PLCG2: variants seen among roughly 807,000 people sequenced by gnomAD.
The protein encoded by PLCG2 is phospholipase C gamma 2, also known as 1-phosphatidylinositol 4,5-bisphosphate phosphodiesterase gamma-2.
In PLCG2, 69 loss-of-function variants were observed where a neutral mutation model predicts 175.6. The ratio of observed to expected loss-of-function variants is 0.39; its 90% CI spans 0.32 to 0.48. The LOEUF (loss-of-function observed/expected upper bound fraction) is 0.48, where lower values mean the gene tolerates loss of function less well. Ranked by LOEUF, PLCG2 falls within the 20% of genes least tolerant of loss-of-function variation. PLCG2 has a pLI of 0.91. For synonymous variants in PLCG2, 827 were observed against 624.0 expected, an observed-to-expected ratio of 1.33 and a Z score of -4.85; for missense variants, 1,798 against 1,650.9, an observed-to-expected ratio of 1.09 and a Z score of -1.54.
Position 81,891,561 on chromosome 16 carries a change from T to C in PLCG2, c.957T>C (p.Ser319=), listed in dbSNP as rs527737546. The change falls in exon 11 of 33, where the codon TCT becomes TCC. Residue 319 remains serine, a synonymous_variant. Transcript: ENST00000564138. The part of the protein sequence containing the change: ...VDMQDMNNPL[S]HYWISSSHNT... ...TGCAGGACATGAACAACCCCCTGTC[T>C]CATTACTGGATCTCCTCGTCACATA... The C allele has an allele frequency of 1.9e-5, 30 of 1,603,026 alleles. No individual in the cohort carries two copies. In the South Asian group the frequency reaches 3.2e-4, roughly 17 times the overall value.
Position 81,958,051 on chromosome 16 carries a change from TGTAGGA to T in PLCG2, c.*55_*60del, listed in dbSNP as rs1235202577. 1 of 1,312,836 alleles carries T rather than the reference TGTAGGA, an allele frequency of 7.6e-7. No homozygotes were observed. Among genetic ancestry groups the T allele is most frequent in the African/African-American group, 1.4e-5 (1 of 69,364 alleles). 81.3% of individuals were successfully genotyped at this position (1,312,836 alleles called of 1,614,324 possible). A position where few individuals can be genotyped will look rare whatever the true frequency, so the allele number is the denominator to read the frequency against. ...GTGTGTGTGCGCATGTGTGTTTGCA[TGTAGGA>T]GAACGTGCCCTATTCACACTCTGGG... On this transcript the variant is annotated 3_prime_UTR_variant, in exon 33 of 33. Transcript: ENST00000564138.
intron 17 of PLCG2, 52 bp from the exon 18 acceptor site, chr16:81,910,468 G>C: frequency 1.3e-6 from 2 of 1,540,962 alleles, no homozygotes; most frequent in Non-Finnish European, 1.8e-6. Flanking sequence ...CCTGGCTGCC[G>C]CAATGGCCTG....
Position 81,936,192 on chromosome 16 carries a change from C to A in PLCG2, c.2866C>A (p.Arg956Ser). 6.2e-7 allele frequency: 1 copy of A among 1,614,102 alleles called. No homozygotes were observed. The highest frequency in any genetic ancestry group is 8.5e-7 in the Non-Finnish European group (1 of 1,180,030). ...AGAAAATCCTGACTTCCGAGAAATC[C>A]GCTCCTTTGTGGAGACGAAGGCTGA... is the stretch of plus-strand genomic sequence containing the variant. ...NLENPDFREI[R>S]SFVETKADSI... The change falls in exon 27 of 33, where the codon CGC becomes AGC. Residue 956 changes from arginine to serine, a missense_variant. Arg to Ser is a moderately radical substitution (Grantham distance 110). Transcript: ENST00000564138.
rs975819129 is a variant in PLCG2 at position 81,779,340 on chromosome 16, C to T, written c.-132C>T. 1.3e-5 allele frequency: 2 copies of T among 150,658 alleles called. No individual in the cohort carries two copies. The highest frequency in any genetic ancestry group is 3.0e-5 in the Non-Finnish European group (2 of 67,518). 9.3% of individuals were successfully genotyped at this position (150,658 alleles called of 1,614,324 possible). A position where few individuals can be genotyped will look rare whatever the true frequency, so the allele number is the denominator to read the frequency against. On this transcript the variant is annotated 5_prime_UTR_variant, in exon 1 of 33. Transcript: ENST00000564138. Reference sequence around the variant, plus strand: ...AGGGCGTGAGCGGCGCTGAGTGACCCGAGTCGGGACGCGGGCTGCGCGCGC... The same window carrying T: ...AGGGCGTGAGCGGCGCTGAGTGACCTGAGTCGGGACGCGGGCTGCGCGCGC...
At chr16:81,881,253 T>G (rs567973397) in intron 8 of PLCG2, among the ~76,000 whole-genome samples, 11 of 152,270 alleles carry the variant, frequency 7.2e-5, no homozygotes, top group Admixed American at 2.0e-4. Flanking sequence ...ATAGTTTTTT[T>G]TTTTAATTAC....
chr16:81,795,680 A>G (rs1431424071), intron 2 of PLCG2, among the ~76,000 whole-genome samples: 2 of 150,168 alleles, frequency 1.3e-5, no homozygotes, highest in African/African-American at 2.4e-5. Context: ...AAGTGGATGT[A>G]CCTGTTTCCT....
At chr16:81,914,563 G>A (rs1441471926) in intron 19 of PLCG2, among the ~76,000 whole-genome samples, 1 of 152,158 alleles carries the variant, frequency 6.6e-6, no homozygotes, top group Non-Finnish European at 1.5e-5. Flanking sequence ...GGTGTCTTGA[G>A]AATGGAAGTT....
chr16:81,892,976 C>G (rs1908707899), intron 11 of PLCG2, among the ~76,000 whole-genome samples: 1 of 151,676 alleles, frequency 6.6e-6, no homozygotes, highest in South Asian at 2.1e-4. Flanking sequence ...TCCCGAGTAG[C>G]TGGGACTCCG....
At chr16:81,762,472 G>C (rs1229110660) in intron 2 of PLCG2, among the ~76,000 whole-genome samples, 1 of 152,026 alleles carries the variant, frequency 6.6e-6, no homozygotes, top group Admixed American at 6.6e-5. Flanking sequence ...GGGAGGCTGA[G>C]GCATGAGAAT....
chr16:81,865,875 A>T (rs1362734234), intron 5 of PLCG2, among the ~76,000 whole-genome samples: 1 of 116,464 alleles, frequency 8.6e-6, no homozygotes, highest in African/African-American at 3.4e-5. Context: ...CACCAGCATG[A>T]GAGGACGCTG....
intron 5 of PLCG2, among the ~76,000 whole-genome samples, chr16:81,862,590 C>G (rs1907036443): frequency 6.6e-6 from 1 of 152,090 alleles, no homozygotes; most frequent in South Asian, 2.1e-4. Context: ...GTGCTACTGG[C>G]CGAGCATGGT....
Position 81,919,643 on chromosome 16 carries a change from G to A in PLCG2, c.2214G>A (p.Glu738=). Residue 738 remains glutamate (E), a synonymous_variant, in exon 20 of 33, where the codon GAG becomes GAA. Coordinates refer to ENST00000564138, the MANE Select transcript of PLCG2 (RefSeq NM_002661.5). ...KMRLRYPVTP[E]LLERYNMERD... The stretch of plus-strand genomic sequence containing the variant: ...GACTGCGCTACCCCGTGACCCCCGA[G>A]CTCCTGGAGCGCTACAATATGGTAG... The A allele has an allele frequency of 6.2e-7, 1 of 1,614,000 alleles. No individual in the cohort carries two copies. The highest frequency in any genetic ancestry group is 8.5e-7 in the Non-Finnish European group (1 of 1,179,902).
chr16:81,818,476 G>C (rs1176500827), intron 2 of PLCG2, among the ~76,000 whole-genome samples: 2 of 152,114 alleles, frequency 1.3e-5, no homozygotes. Context: ...GATGCTGTCT[G>C]CATGGGTGAA....
intron 19 of PLCG2, among the ~76,000 whole-genome samples, chr16:81,913,839 C>T (rs1167393612): frequency 1.3e-5 from 2 of 152,210 alleles, no homozygotes; most frequent in African/African-American, 2.4e-5. Context: ...TTGGATTTCC[C>T]TTCCTCCTTG....
intron 5 of PLCG2, among the ~76,000 whole-genome samples, chr16:81,860,173 T>TTATTA (rs56260145): frequency 5.9e-3 from 478 of 81,504 alleles, no homozygotes; most frequent in Middle Eastern, 0.013. Flanking sequence ...ATTATTATTA[T>TTATTA]TTTTTTTTTT....
intron 31 of PLCG2, among the ~76,000 whole-genome samples, chr16:81,946,552 G>A (rs1025478923): frequency 6.6e-6 from 1 of 152,076 alleles, no homozygotes; most frequent in African/African-American, 2.4e-5. Flanking sequence ...CAAGAGCCAG[G>A]CCAGATGATG....
chr16:81,803,571 C>CCTTTCCTTTCCTTTG (rs1911846667), intron 2 of PLCG2, among the ~76,000 whole-genome samples: 1 of 146,038 alleles, frequency 6.8e-6, no homozygotes, highest in Non-Finnish European at 1.5e-5. Context: ...CCTTTCCTTT[C>CCTTTCCTTTCCTTTG]CTTTCCTTTC....
intron 2 of PLCG2, among the ~76,000 whole-genome samples, chr16:81,805,749 A>G (rs1911977487): frequency 7.4e-6 from 1 of 135,728 alleles, no homozygotes; most frequent in African/African-American, 2.8e-5. Flanking sequence ...ACCAGCCATG[A>G]GAGTAGTGTT....
chr16:81,764,508 A>C (rs12934269), intron 2 of PLCG2, among the ~76,000 whole-genome samples: 3 of 151,938 alleles, frequency 2.0e-5, no homozygotes, highest in African/African-American at 7.3e-5. Flanking sequence ...CTCCTCAAAG[A>C]CACTTTTGCG....
Sources: allele counts gnomAD v4.1 joint callset (sites outside exome capture counted in the v4.1 genomes callset), GRCh38; gene constraint gnomAD v4.1.1; transcripts MANE v1.5; gene names NCBI Gene and HGNC (gene_info 2026-07-23, HGNC 2026-07-21).